AGAP1: variants seen among roughly 807,000 people sequenced by gnomAD.
AGAP1 encodes the protein ArfGAP with GTPase domain, ankyrin repeat and PH domain 1, also known as arf-GAP with GTPase, ANK repeat and PH domain-containing protein 1.
A neutral mutation model predicts 105.3 loss-of-function variants in AGAP1; 29 were observed. The ratio of observed to expected loss-of-function variants is 0.28; its 90% CI spans 0.21 to 0.38. The LOEUF is 0.38. Ranked by LOEUF, AGAP1 falls within the 10% of genes least tolerant of loss-of-function variation. The probability of loss-of-function intolerance (pLI) is 1.00; values close to 1 mark genes in which losing one functional copy is unlikely to be tolerated. For synonymous variants in AGAP1, 509 were observed against 485.9 expected (o/e 1.05, Z -0.63); for missense variants, 998 against 1,165.1 (o/e 0.86, Z 2.09).
At chr2:235,996,429 A>C (rs944508175) in intron 13 of AGAP1, among the ~76,000 whole-genome samples, 1 of 152,268 alleles carries the variant, frequency 6.6e-6, no homozygotes, top group African/African-American at 2.4e-5. Context: ...AGTTAAGAGA[A>C]TAGTAAACAG....
intron 1 of AGAP1, among the ~76,000 whole-genome samples, chr2:235,668,020 C>G (rs1948185408): frequency 6.9e-6 from 1 of 144,682 alleles, no homozygotes; most frequent in Non-Finnish European, 1.5e-5. Context: ...TAAAATGATT[C>G]TGTCTTGGAG....
intron 1 of AGAP1, among the ~76,000 whole-genome samples, chr2:235,683,800 C>G (rs1326687933): frequency 6.6e-6 from 1 of 151,840 alleles, no homozygotes; most frequent in African/African-American, 2.4e-5. Flanking sequence ...CTGCACCCAT[C>G]AACTCGTCAT....
At chr2:235,774,524 A>T (rs906856728) in intron 6 of AGAP1, 1 of 334,878 alleles carries the variant, frequency 3.0e-6, no homozygotes, top group Non-Finnish European at 6.1e-6. Context: ...GTAGCCTAAA[A>T]ATTGCTGATA....
chr2:235,568,802 C>T (rs1327359401), intron 1 of AGAP1, among the ~76,000 whole-genome samples: 1 of 152,198 alleles, frequency 6.6e-6, no homozygotes, highest in Admixed American at 6.5e-5. Flanking sequence ...CAGAAGCCAC[C>T]TGCAGTCCTT....
At chr2:235,999,247 G>A (rs2055968951) in intron 13 of AGAP1, among the ~76,000 whole-genome samples, 1 of 149,306 alleles carries the variant, frequency 6.7e-6, no homozygotes, top group African/African-American at 2.5e-5. Flanking sequence ...GGTTATAGTG[G>A]TGGTGACAAT....
chr2:236,113,699 C>T lies in AGAP1; in HGVS notation c.2115-6493C>T, dbSNP rs180772380. Among the ~76,000 whole-genome samples, 126 of 152,262 alleles carry T rather than the reference C, an allele frequency of 8.3e-4. No homozygotes were observed. Among genetic ancestry groups the T allele is most frequent in the Non-Finnish European group, 1.5e-3 (105 of 67,998 alleles). ...AGTCACCACCCCTCAAGGTCAGGTG[C>T]GGCAAAGCCCGTCAGGCAGCAATGC... On this transcript the variant is annotated intron_variant, in intron 16 of 17. Coordinates refer to ENST00000304032, the MANE Select transcript of AGAP1 (RefSeq NM_001037131.3). This position sits in a 1 kb window ranked among gnomAD's most constrained non-coding sequence, Gnocchi z 4.3.
rs1038374664 is a variant in AGAP1 at position 235,612,416 on chromosome 2, C to T, written c.164-96763C>T. On this transcript the variant is annotated intron_variant, in intron 1 of 17. Coordinates refer to ENST00000304032, the MANE Select transcript of AGAP1 (RefSeq NM_001037131.3). The surrounding 1 kb of genome is among the most constrained non-coding windows in gnomAD (Gnocchi z 4.3). ...GTAAATAATTTATGTCAGCTGGAGC[C>T]CTTGGCCCTGGTAATGAGATCTCAG... Among the ~76,000 whole-genome samples, 1 of 152,164 alleles carries T rather than the reference C, an allele frequency of 6.6e-6. No individual in the cohort carries two copies. The highest frequency in any genetic ancestry group is 2.4e-5 in the African/African-American group (1 of 41,436).
At chr2:235,803,837 C>T (rs946101263) in intron 8 of AGAP1, among the ~76,000 whole-genome samples, 1 of 152,112 alleles carries the variant, frequency 6.6e-6, no homozygotes, top group African/African-American at 2.4e-5. Flanking sequence ...TAATCAAACA[C>T]TGAGTTATAT....
chr2:235,776,496 C>T (rs1244724281), intron 6 of AGAP1, among the ~76,000 whole-genome samples: 2 of 152,210 alleles, frequency 1.3e-5, no homozygotes, highest in Admixed American at 1.3e-4. Flanking sequence ...TCCCTAGCAC[C>T]TACCATAGTG....
chr2:236,045,808 G>A lies in AGAP1; in HGVS notation c.1892-3251G>A. 3 of 390,404 alleles carry A rather than the reference G, an allele frequency of 7.7e-6. No individual in the cohort carries two copies. The highest frequency in any genetic ancestry group is 5.7e-5 in the South Asian group (3 of 52,834). The allele number at this position is 390,404 out of a possible 1,614,324, so 24.2% of individuals were successfully genotyped here. Reference sequence around the variant, plus strand: ...CTTAGATACCAACCCTTGCCGATGAGTCATTCTCTGCTGGAGCGGAGGCAA... The same window carrying A: ...CTTAGATACCAACCCTTGCCGATGAATCATTCTCTGCTGGAGCGGAGGCAA... On this transcript the variant is annotated intron_variant, in intron 15 of 17. Transcript: ENST00000304032. The surrounding 1 kb of genome is among the most constrained non-coding windows in gnomAD (Gnocchi z 6.9).
Position 236,036,401 on chromosome 2 carries a change from C to T in AGAP1, c.1646-160C>T, listed in dbSNP as rs1313113285. Reference sequence around the variant, plus strand: ...ACCACATCTGGACTGTTGGGAGGTGCATGGATTCAAATCTCCGCCGCCGTG... The same window carrying T: ...ACCACATCTGGACTGTTGGGAGGTGTATGGATTCAAATCTCCGCCGCCGTG... On this transcript the variant is annotated intron_variant, in intron 13 of 17. Coordinates refer to ENST00000304032, the MANE Select transcript of AGAP1 (RefSeq NM_001037131.3). This position sits in a 1 kb window ranked among gnomAD's most constrained non-coding sequence, Gnocchi z 5.7. Among the ~76,000 whole-genome samples the T allele has an allele frequency of 6.6e-6, 1 of 152,186 alleles. No homozygotes were observed. The highest frequency in any genetic ancestry group is 1.5e-5 in the Non-Finnish European group (1 of 68,038).
In AGAP1 at chr2:235,958,022, T is replaced by C. The variant is rs1488583061; in HGVS notation, c.1484-10440T>C. Among the ~76,000 whole-genome samples the C allele has an allele frequency of 6.6e-6, 1 of 152,256 alleles. No homozygotes were observed. The highest frequency in any genetic ancestry group is 1.5e-5 in the Non-Finnish European group (1 of 68,042). On this transcript the variant is annotated intron_variant, in intron 12 of 17. Transcript: ENST00000304032. This position sits in a 1 kb window ranked among gnomAD's most constrained non-coding sequence, Gnocchi z 4.1. ...GGGCAGGGGGCCGATACATACGTGC[T>C]TAGCATTTTCCTCTCTCTTTTCTTT...
At chr2:235,761,182 T>C (rs72975262) in intron 6 of AGAP1, among the ~76,000 whole-genome samples, 1 of 152,140 alleles carries the variant, frequency 6.6e-6, no homozygotes, top group East Asian at 1.9e-4. Flanking sequence ...ATAAATAAAT[T>C]GTTATTTAGT....
At chr2:235,827,705 T>A (rs1959147936) in intron 9 of AGAP1, among the ~76,000 whole-genome samples, 1 of 152,176 alleles carries the variant, frequency 6.6e-6, no homozygotes, top group East Asian at 1.9e-4. Flanking sequence ...GTCACCGGCA[T>A]TGAACTACAC....
rs1180486613 is a variant in AGAP1 at position 235,724,946 on chromosome 2, G to C, written c.310+7302G>C. Among the ~76,000 whole-genome samples, 1 of 152,178 alleles carries C rather than the reference G, an allele frequency of 6.6e-6. No homozygotes were observed. The highest frequency in any genetic ancestry group is 1.5e-5 in the Non-Finnish European group (1 of 68,028). On this transcript the variant is annotated intron_variant, in intron 3 of 17. Coordinates refer to ENST00000304032, the MANE Select transcript of AGAP1 (RefSeq NM_001037131.3). The surrounding 1 kb of genome is among the most constrained non-coding windows in gnomAD (Gnocchi z 4.9). ...TGGTTCACATCAGAGTTTGCTAAAG[G>C]CTTGGAGGTTCTGTAGGAAGGAATG...
rs1403722628 is a variant in AGAP1, at chr2:235,642,139, A to G, written c.164-67040A>G. Among the ~76,000 whole-genome samples the G allele has an allele frequency of 6.6e-6, 1 of 152,182 alleles. No individual in the cohort carries two copies. Among genetic ancestry groups the G allele is most frequent in the Non-Finnish European group, 1.5e-5 (1 of 68,030 alleles). On this transcript the variant is annotated intron_variant, in intron 1 of 17. Coordinates refer to ENST00000304032, the MANE Select transcript of AGAP1 (RefSeq NM_001037131.3). This position sits in a 1 kb window ranked among gnomAD's most constrained non-coding sequence, Gnocchi z 4.1. The stretch of plus-strand genomic sequence containing the variant: ...CCCAGGGGCCCTCCAGAGGGTGCCC[A>G]TCCACGGAGTGCGGCGCCTGCTCGA...
chr2:235,666,043 A>G (rs189326901), intron 1 of AGAP1, among the ~76,000 whole-genome samples: 1 of 152,302 alleles, frequency 6.6e-6, no homozygotes, highest in East Asian at 1.9e-4. Flanking sequence ...GAACTAAGGG[A>G]GCGAAGCCAG....
At position 235,982,168 on chromosome 2, in the gene AGAP1, AATG is replaced by A. The variant is rs1446376260; in HGVS notation, c.1645+13551_1645+13553del. On this transcript the variant is annotated intron_variant, in intron 13 of 17. Coordinates refer to ENST00000304032, the MANE Select transcript of AGAP1 (RefSeq NM_001037131.3). The surrounding 1 kb of genome is among the most constrained non-coding windows in gnomAD (Gnocchi z 4.9). Reference sequence around the variant, plus strand: ...GTAATTTTGGAAAGCTGGCATATATAATGATGATCTCTTCGCAGCCTGGTAATT... The same window carrying A: ...GTAATTTTGGAAAGCTGGCATATATAATGATCTCTTCGCAGCCTGGTAATT... Among the ~76,000 whole-genome samples the A allele has an allele frequency of 6.6e-6, 1 of 152,214 alleles. No homozygotes were observed. The highest frequency in any genetic ancestry group is 1.9e-4 in the East Asian group (1 of 5,190).
chr2:236,026,863 G>A (rs1478452698), intron 13 of AGAP1, among the ~76,000 whole-genome samples: 1 of 152,204 alleles, frequency 6.6e-6, no homozygotes, highest in African/African-American at 2.4e-5. Context: ...AAGCCACTAG[G>A]AGACCCTTCC....
Sources: gnomAD v4.1 joint callset for allele counts (sites outside exome capture counted in the v4.1 genomes callset) on GRCh38, gnomAD v4.1.1 for gene constraint, Gnocchi (gnomAD v3.1) non-coding constraint, MANE v1.5 for transcripts, NCBI Gene and HGNC (gene_info 2026-07-23, HGNC 2026-07-21) for gene names.